Variants in UBE2V2 observed in about 807,000 individuals in gnomAD.
The protein encoded by UBE2V2 is ubiquitin conjugating enzyme E2 V2, also known as ubiquitin-conjugating enzyme E2 variant 2.
Under a neutral mutation model 17.2 loss-of-function variants are expected in UBE2V2, and 9 were observed. The ratio of observed to expected loss-of-function variants is 0.52; its 90% CI spans 0.32 to 0.91. The LOEUF is 0.91. Among genes scored for constraint, UBE2V2 ranks in the 40% least tolerant of loss-of-function variants. The pLI is 0.04. For missense variants in UBE2V2, 133 were observed against 182.6 expected (o/e 0.73, Z 1.56); for synonymous variants, 61 against 57.5 (o/e 1.06, Z -0.28).
intron 1 of UBE2V2, among the ~76,000 whole-genome samples, chr8:48,022,276 C>T (rs572370439): frequency 1.3e-5 from 2 of 151,766 alleles, no homozygotes; most frequent in South Asian, 2.1e-4. Flanking sequence ...TAGCTGATTA[C>T]AGGCGGCTGC....
At position 48,043,111 on chromosome 8, in the gene UBE2V2, G is replaced by C; in HGVS notation, c.95G>C (p.Ser32Thr). ...GQKGVGDGTV[S>T]WGLEDDEDMT... ...AAAGGAGTAGGCGACGGTACAGTTA[G>C]CTGGGGCCTTGAAGATGATGAAGAT... The change falls in exon 2 of 4, where the codon AGC becomes ACC. Residue 32 changes from serine to threonine, a missense_variant. Physicochemically the swap from Ser to Thr is moderately conservative, Grantham distance 58. Around this residue, in one of 3 missense-constraint regions of UBE2V2, gnomAD observed 92 missense variants for 124.3 expected, o/e 0.74. Coordinates refer to ENST00000523111, the MANE Select transcript of UBE2V2 (RefSeq NM_003350.3). The C allele has an allele frequency of 1.2e-6, 2 of 1,601,528 alleles. No individual in the cohort carries two copies. The highest frequency in any genetic ancestry group is 8.5e-7 in the Non-Finnish European group (1 of 1,172,614).
chr8:48,058,430 CT>C (rs2091587060), intron 3 of UBE2V2, among the ~76,000 whole-genome samples: 1 of 150,626 alleles, frequency 6.6e-6, no homozygotes, highest in Non-Finnish European at 1.5e-5. Context: ...GTAGCCGGGC[CT>C]GTGGTGGTGT....
chr8:48,024,425 G>A (rs1283712487), intron 1 of UBE2V2, among the ~76,000 whole-genome samples: 3 of 151,928 alleles, frequency 2.0e-5, no homozygotes, highest in Non-Finnish European at 4.4e-5. Flanking sequence ...GAGAAACCCC[G>A]TCTCTACTGA....
At chr8:48,026,944 A>T (rs2091350177) in intron 1 of UBE2V2, among the ~76,000 whole-genome samples, 1 of 152,104 alleles carries the variant, frequency 6.6e-6, no homozygotes, top group Non-Finnish European at 1.5e-5. Flanking sequence ...CATGTTAACT[A>T]TGTTTAGCTG....
At position 48,055,907 on chromosome 8, in the gene UBE2V2, C is replaced by T. The variant is rs183178116; in HGVS notation, c.292-4775C>T. Among the ~76,000 whole-genome samples, 796 of 152,060 alleles carry T rather than the reference C, an allele frequency of 5.2e-3. 12 individuals carry two copies. Among genetic ancestry groups the T allele is most frequent in the African/African-American group, 0.018 (765 of 41,478 alleles). On this transcript the variant is annotated intron_variant, in intron 3 of 3. Transcript: ENST00000523111. ...CCAAGTAGCTGGGACTACAGGCGCC[C>T]GCCACCACACGGGGCTAATTTTTTG...
At chr8:48,033,062 C>T (rs1039839886) in intron 1 of UBE2V2, among the ~76,000 whole-genome samples, 4 of 152,104 alleles carry the variant, frequency 2.6e-5, no homozygotes, top group Non-Finnish European at 4.4e-5. Flanking sequence ...ATCCAGAGTA[C>T]AAGACAGAGT....
At chr8:48,055,999 C>A (rs1353456672) in intron 3 of UBE2V2, among the ~76,000 whole-genome samples, 2 of 152,134 alleles carry the variant, frequency 1.3e-5, no homozygotes, top group Non-Finnish European at 2.9e-5. Flanking sequence ...ACCTTGTGAT[C>A]TGCCCTCCTC....
At chr8:47,999,164 TG>T in the UBE2V2 span, among the ~76,000 whole-genome samples, 4 of 151,658 alleles carry the variant, frequency 2.6e-5, no homozygotes, top group East Asian at 5.9e-4. Context: ...TGGGGAAGGG[TG>T]GGTGGCACAG....
chr8:48,035,325 T>C (rs931218109), intron 1 of UBE2V2, among the ~76,000 whole-genome samples: 10 of 151,982 alleles, frequency 6.6e-5, no homozygotes, highest in Non-Finnish European at 8.8e-5. Context: ...TTCACCATAT[T>C]GGACAGGCTG....
intron 2 of UBE2V2, among the ~76,000 whole-genome samples, chr8:48,047,445 G>A (rs188367606): frequency 6.6e-6 from 1 of 152,250 alleles, no homozygotes; most frequent in Admixed American, 6.5e-5. Flanking sequence ...GTGAAATAAT[G>A]ATTAGATAAT....
chr8:48,035,076 T>A, intron 1 of UBE2V2: 1 of 983,270 alleles, frequency 1.0e-6, no homozygotes, highest in Non-Finnish European at 1.2e-6. Flanking sequence ...GTGCCAGAAC[T>A]GGCCTTAGCA....
At chr8:48,040,865 TTG>T (rs1554658018) in intron 1 of UBE2V2, among the ~76,000 whole-genome samples, 8 of 140,584 alleles carry the variant, frequency 5.7e-5, no homozygotes, top group African/African-American at 1.6e-4. Context: ...TTTTTTTTTT[TTG>T]TGTGTGTGTG....
At chr8:48,025,631 G>C (rs2091338672) in intron 1 of UBE2V2, among the ~76,000 whole-genome samples, 1 of 142,332 alleles carries the variant, frequency 7.0e-6, no homozygotes, top group Non-Finnish European at 1.5e-5. Flanking sequence ...ATGGAGTCTT[G>C]CTCTGTTGCC....
rs772278928 is a variant in UBE2V2, at chr8:48,008,520, C to G, written c.16+50C>G. ...GATTTTCCGCTCCGACCCGGCTCTG[C>G]CCCTCCGTCTGCTGCTGGCGCCCGA... On this transcript the variant is annotated intron_variant, in intron 1 of 3. Transcript: ENST00000523111. 3 of 1,540,806 alleles carry G rather than the reference C, an allele frequency of 1.9e-6. No individual in the cohort carries two copies. In the East Asian group the frequency reaches 8.2e-5, roughly 42 times the overall value.
At chr8:48,022,806 G>A (rs939431843) in intron 1 of UBE2V2, among the ~76,000 whole-genome samples, 42 of 150,026 alleles carry the variant, frequency 2.8e-4, no homozygotes, top group African/African-American at 8.8e-4. Flanking sequence ...TTTCCTGGTC[G>A]CATTTTTTTT....
intron 1 of UBE2V2, among the ~76,000 whole-genome samples, chr8:48,016,901 T>C (rs2091272742): frequency 1.3e-5 from 2 of 151,558 alleles, no homozygotes; most frequent in Non-Finnish European, 2.9e-5. Flanking sequence ...TTCTCCTGTC[T>C]TAGCCTCCCG....
At chr8:48,049,647 G>T in intron 2 of UBE2V2, 1 of 363,082 alleles carries the variant, frequency 2.8e-6, no homozygotes, top group South Asian at 7.2e-5. Context: ...AATTAATTTT[G>T]TAAAATCTCA....
intron 1 of UBE2V2, among the ~76,000 whole-genome samples, chr8:48,030,385 G>A (rs1358323622): frequency 6.6e-6 from 1 of 152,108 alleles, no homozygotes; most frequent in Admixed American, 6.6e-5. Context: ...TTCTTTCTAT[G>A]TCAGAGATTT....
intron 1 of UBE2V2, among the ~76,000 whole-genome samples, chr8:48,038,924 C>G (rs887196705): frequency 6.6e-6 from 1 of 150,750 alleles, no homozygotes; most frequent in Admixed American, 6.6e-5. Flanking sequence ...GCCCAATAAT[C>G]CTGATTTTTT....
Sources: gnomAD v4.1 joint callset for allele counts (sites outside exome capture counted in the v4.1 genomes callset) on GRCh38, gnomAD v4.1.1 for gene constraint, gnomAD v4.1.1 regional missense constraint, MANE v1.5 for transcripts, NCBI Gene and HGNC (gene_info 2026-07-23, HGNC 2026-07-21) for gene names.